The following RPS6KA2 variants were observed in gnomAD, a reference collection of about 807,000 sequenced individuals.
RPS6KA2 encodes ribosomal protein S6 kinase alpha-2.
Under a neutral mutation model 91.8 loss-of-function variants are expected in RPS6KA2, and 42 were observed. The observed-to-expected ratio is 0.46, with a 90% CI of 0.36 to 0.59. RPS6KA2 has a LOEUF of 0.59. Ranked by LOEUF, RPS6KA2 falls within the 20% of genes least tolerant of loss-of-function variation. The pLI is 0.00. For synonymous variants in RPS6KA2, 414 were observed against 393.6 expected (o/e 1.05, Z -0.61); for missense variants, 798 against 978.5 (o/e 0.82, Z 2.46).
At chr6:166,608,006 T>C (rs1474968358) in intron 1 of RPS6KA2, among the ~76,000 whole-genome samples, 32 of 148,450 alleles carry the variant, frequency 2.2e-4, no homozygotes, top group Middle Eastern at 7.0e-3. Flanking sequence ...CAAAACCTTG[T>C]CTCAGAAAGA....
intron 14 of RPS6KA2, chr6:166,439,946 C>G (rs1779465884): frequency 6.6e-6 from 1 of 152,248 alleles, no homozygotes; most frequent in African/African-American, 2.4e-5. Flanking sequence ...GGGCTGGCTG[C>G]AGGTGTGGGT....
intron 2 of RPS6KA2, among the ~76,000 whole-genome samples, chr6:166,679,179 C>T (rs560466152): frequency 1.3e-5 from 2 of 152,096 alleles, no homozygotes; most frequent in South Asian, 2.1e-4. Flanking sequence ...TGTCACCGGG[C>T]GTGGTGGCTC....
chr6:166,544,334 C>T (rs1215277720), intron 1 of RPS6KA2, among the ~76,000 whole-genome samples: 1 of 152,182 alleles, frequency 6.6e-6, no homozygotes, highest in Non-Finnish European at 1.5e-5. Context: ...CGCAGACTTG[C>T]TGAGAAGAGT....
In RPS6KA2 at chr6:166,563,825, T is replaced by A. The variant is rs1784414957; in HGVS notation, c.100-25041A>T. 6.6e-6 allele frequency among the ~76,000 whole-genome samples: 1 copy of A among 152,206 alleles called. No individual in the cohort carries two copies. The highest frequency in any genetic ancestry group is 2.1e-4 in the South Asian group (1 of 4,834). On this transcript the variant is annotated intron_variant, in intron 1 of 20. Coordinates refer to ENST00000265678, the MANE Select transcript of RPS6KA2 (RefSeq NM_021135.6). This position sits in a 1 kb window ranked among gnomAD's most constrained non-coding sequence, Gnocchi z 4.1. ...CTATATCAGTGCTTATAATATTGTTTGCATGAAAAAAAAGTTTCTCATGTT... is the reference window on the plus strand; with the variant it reads ...CTATATCAGTGCTTATAATATTGTTAGCATGAAAAAAAAGTTTCTCATGTT...
chr6:166,629,686 C>T (rs1787013319), upstream of RPS6KA2, among the ~76,000 whole-genome samples: 1 of 152,168 alleles, frequency 6.6e-6, no homozygotes, highest in African/African-American at 2.4e-5. Flanking sequence ...GATAAAGGCT[C>T]TTGCCCAGAT....
At chr6:166,489,934 C>T (rs912459785) in intron 9 of RPS6KA2, among the ~76,000 whole-genome samples, 6 of 152,084 alleles carry the variant, frequency 3.9e-5, no homozygotes, top group African/African-American at 1.4e-4. Context: ...CACCGAGTGG[C>T]CTCACTTAGG....
At chr6:166,630,993 G>A (rs1045969340), upstream of RPS6KA2, among the ~76,000 whole-genome samples, 6 of 152,090 alleles carry the variant, frequency 3.9e-5, no homozygotes, top group South Asian at 2.1e-4. Flanking sequence ...TTGGGCCCTC[G>A]GCAAAAGTCA....
intron 2 of RPS6KA2, among the ~76,000 whole-genome samples, chr6:166,685,778 C>A (rs1788992396): frequency 6.6e-6 from 1 of 152,202 alleles, no homozygotes; most frequent in African/African-American, 2.4e-5. Context: ...GTACTTGGTG[C>A]CCTTTCTCCC....
At chr6:166,568,963 TC>T (rs1451862376) in intron 1 of RPS6KA2, among the ~76,000 whole-genome samples, 2 of 152,212 alleles carry the variant, frequency 1.3e-5, no homozygotes, top group African/African-American at 4.8e-5. Context: ...TACTTTTTTT[TC>T]CTCTTTTACC....
rs146719196 is a variant in RPS6KA2, at chr6:166,414,202, T to G, written c.1939-271A>C. 1.7e-3 allele frequency among the ~76,000 whole-genome samples: 262 copies of G among 152,366 alleles called. 1 individual carries two copies. The highest frequency in any genetic ancestry group is 3.4e-3 in the Middle Eastern group (1 of 294). ...AAAAGTTAAATGTGGAAATATTAGA[T>G]GATGCATGTAAATCGATGAAACACT... is the stretch of plus-strand genomic sequence containing the variant. On this transcript the variant is annotated intron_variant, in intron 19 of 20. Transcript: ENST00000265678.
At position 166,448,118 on chromosome 6, in the gene RPS6KA2, T is replaced by C. The variant is rs1779738082; in HGVS notation, c.1332+606A>G. 6.6e-6 allele frequency among the ~76,000 whole-genome samples: 1 copy of C among 152,228 alleles called. No individual in the cohort carries two copies. The highest frequency in any genetic ancestry group is 6.5e-5 in the Admixed American group (1 of 15,290). ...AGTTACTATGTAGAGATTGCCAAAT[T>C]GGGTTACAAAGAATTGTTTCTCTAT... On this transcript the variant is annotated intron_variant, in intron 14 of 20. Coordinates refer to ENST00000265678, the MANE Select transcript of RPS6KA2 (RefSeq NM_021135.6). The surrounding 1 kb of genome is among the most constrained non-coding windows in gnomAD (Gnocchi z 4.7).
rs1438221084 is a variant in RPS6KA2, at chr6:166,800,698, C to G, written c.123+57502G>C. Among the ~76,000 whole-genome samples the G allele has an allele frequency of 2.6e-5, 4 of 152,304 alleles. No homozygotes were observed. In the South Asian group the frequency reaches 8.3e-4, roughly 32 times the overall value. ...AGAAATTTCTGTTATTTGTAAGTCACCTGGTCTAGGGTATTTTGTTACAGC... is the reference window on the plus strand; with the variant it reads ...AGAAATTTCTGTTATTTGTAAGTCAGCTGGTCTAGGGTATTTTGTTACAGC... On this transcript the variant is annotated intron_variant, in intron 2 of 21. Transcript: ENST00000503859.
In RPS6KA2 at chr6:166,662,234, T is replaced by TA. The variant is rs1788182159; in HGVS notation, c.124-123451dup. On this transcript the variant is annotated intron_variant, in intron 2 of 21. Coordinates refer to the RPS6KA2 transcript ENST00000503859. The surrounding 1 kb of genome is among the most constrained non-coding windows in gnomAD (Gnocchi z 4.3). ...TTGAATTCTCTGCTTCATGTACCTT[T>TA]AATTCACTGGTATTCTTTTTTCTGG... Among the ~76,000 whole-genome samples, 2 of 152,372 alleles carry TA rather than the reference T, an allele frequency of 1.3e-5. No homozygotes were observed. Among genetic ancestry groups the TA allele is most frequent in the African/African-American group, 4.8e-5 (2 of 41,588 alleles).
chr6:166,528,989 T>C (rs990187996), intron 3 of RPS6KA2, among the ~76,000 whole-genome samples: 4 of 152,148 alleles, frequency 2.6e-5, no homozygotes, highest in South Asian at 2.1e-4. Flanking sequence ...TAAACTAGTT[T>C]AACCATTGTG....
chr6:166,812,641 C>G (rs1297712412), intron 2 of RPS6KA2, among the ~76,000 whole-genome samples: 1 of 152,186 alleles, frequency 6.6e-6, no homozygotes, highest in Non-Finnish European at 1.5e-5. Context: ...AGCTCCCGCT[C>G]TCGTGTGGAA....
intron 13 of RPS6KA2, among the ~76,000 whole-genome samples, chr6:166,450,282 C>T (rs1285999829): frequency 1.3e-5 from 2 of 150,596 alleles, no homozygotes; most frequent in Non-Finnish European, 3.0e-5. Context: ...ACGGGTACCA[C>T]CAGGGAACCA....
chr6:166,513,099 A>C (rs1782526327), intron 3 of RPS6KA2, among the ~76,000 whole-genome samples: 1 of 152,170 alleles, frequency 6.6e-6, no homozygotes, highest in African/African-American at 2.4e-5. Context: ...CATCACAAAA[A>C]ATCTCATAAT....
intron 2 of RPS6KA2, among the ~76,000 whole-genome samples, chr6:166,641,632 A>C (rs1787435063): frequency 6.9e-6 from 1 of 144,694 alleles, no homozygotes; most frequent in Admixed American, 7.0e-5. Context: ...AGGCAGGAGA[A>C]TAGTTTGAAC....
At chr6:166,745,736 C>T (rs959252608) in intron 2 of RPS6KA2, among the ~76,000 whole-genome samples, 1 of 152,134 alleles carries the variant, frequency 6.6e-6, no homozygotes, top group East Asian at 1.9e-4. Flanking sequence ...GGCAGCTCCA[C>T]GTGCAGCACT....
Sources: allele counts gnomAD v4.1 joint callset (sites outside exome capture counted in the v4.1 genomes callset), GRCh38; gene constraint gnomAD v4.1.1; non-coding constraint Gnocchi (gnomAD v3.1); transcripts MANE v1.5; gene names NCBI Gene and HGNC (gene_info 2026-07-23, HGNC 2026-07-21).